The following UACA variants were observed in gnomAD, a reference collection of about 807,000 sequenced individuals.
The protein encoded by UACA is nuclear membrane binding protein.
In UACA, 112 loss-of-function variants were observed where a neutral mutation model predicts 160.5. That is an observed-to-expected ratio of 0.70 (90% confidence interval 0.60 to 0.82). The LOEUF is 0.82. UACA is among the 40% of genes least tolerant of loss of function. The pLI is 0.00. For synonymous variants in UACA, 557 were observed against 568.4 expected (o/e 0.98, Z 0.29); for missense variants, 1,574 against 1,614.6 (o/e 0.97, Z 0.43).
At chr15:70,715,426 T>C (rs1394711764) in intron 1 of UACA, among the ~76,000 whole-genome samples, 1 of 152,196 alleles carries the variant, frequency 6.6e-6, no homozygotes, top group Non-Finnish European at 1.5e-5. Context: ...CCTTTGGCTT[T>C]GTAAAGAAAT....
intron 18 of UACA, among the ~76,000 whole-genome samples, chr15:70,659,395 G>GTTTGTTTTTTTTTTTT (rs1896607026): frequency 5.3e-5 from 1 of 18,818 alleles, no homozygotes; most frequent in Non-Finnish European, 9.6e-5. Flanking sequence ...TTTTTTGTTT[G>GTTTGTTTTTTTTTTTT]TTTTTTTTTT....
chr15:70,682,157 G>C (rs946352026), intron 9 of UACA: 1 of 152,074 alleles, frequency 6.6e-6, no homozygotes, highest in East Asian at 1.9e-4. Context: ...TCACAACCAG[G>C]ATATCAAAAC....
At chr15:70,721,614 G>A (rs555588478) in intron 1 of UACA, among the ~76,000 whole-genome samples, 4 of 148,030 alleles carry the variant, frequency 2.7e-5, no homozygotes, top group East Asian at 3.9e-4. Flanking sequence ...GCAACAGAGC[G>A]AGACTCCATC....
At chr15:70,744,064 GAAACCCC>G (rs1899620953) in intron 1 of UACA, among the ~76,000 whole-genome samples, 1 of 151,908 alleles carries the variant, frequency 6.6e-6, no homozygotes, top group Non-Finnish European at 1.5e-5. Flanking sequence ...CTAACACGGT[GAAACCCC>G]GTCTCTACTA....
intron 18 of UACA, among the ~76,000 whole-genome samples, chr15:70,659,186 A>T (rs1400491055): frequency 6.6e-6 from 1 of 152,112 alleles, no homozygotes; most frequent in Non-Finnish European, 1.5e-5. Context: ...AAAAGAGAGT[A>T]GCTAAGATCC....
At chr15:70,658,580 G>A (rs1896565704) in intron 18 of UACA, among the ~76,000 whole-genome samples, 1 of 152,054 alleles carries the variant, frequency 6.6e-6, no homozygotes, top group Non-Finnish European at 1.5e-5. Context: ...ATGAAACCAA[G>A]TATCTTTTTT....
intron 9 of UACA, among the ~76,000 whole-genome samples, chr15:70,680,875 T>C (rs1897477244): frequency 6.6e-6 from 1 of 152,232 alleles, no homozygotes; most frequent in South Asian, 2.1e-4. Flanking sequence ...CGCCATCTGG[T>C]AGTCACTGGT....
Position 70,669,341 on chromosome 15 carries a change from G to A in UACA, c.1343C>T (p.Ala448Val), listed in dbSNP as rs1344354609. 1.2e-6 allele frequency: 2 copies of A among 1,613,950 alleles called. No individual in the cohort carries two copies. Among genetic ancestry groups the A allele is most frequent in the Admixed American group, 3.3e-5 (2 of 59,996 alleles). Residue 448 changes from alanine to valine, a missense_variant, in exon 16 of 19, where the codon GCA becomes GTA. Transcript: ENST00000322954. ...ENEILKKELE[A>V]MRTFCESAKQ... ...TGCTGACTCACAGAAAGTTCGCATT[G>A]CTTCTAACTCTTTCTTTAAAATTTC...
intron 12 of UACA, 63 bp downstream of exon 12, chr15:70,677,045 A>G: frequency 7.8e-7 from 1 of 1,278,306 alleles, no homozygotes; most frequent in Non-Finnish European, 1.1e-6. Context: ...TTAAACCTTT[A>G]CTACTATATC....
upstream of UACA, among the ~76,000 whole-genome samples, chr15:70,767,010 G>A (rs974674121): frequency 6.6e-6 from 1 of 152,010 alleles, no homozygotes; most frequent in East Asian, 1.9e-4. Flanking sequence ...GAAGGCCGAG[G>A]CGGGTGGATC....
At chr15:70,736,174 T>G (rs1899358845) in intron 1 of UACA, among the ~76,000 whole-genome samples, 1 of 152,198 alleles carries the variant, frequency 6.6e-6, no homozygotes, top group Admixed American at 6.5e-5. Flanking sequence ...GGTTTAATTT[T>G]CATGTTTTAG....
chr15:70,728,592 GA>G (rs1899222006), intron 1 of UACA, among the ~76,000 whole-genome samples: 1 of 145,424 alleles, frequency 6.9e-6, no homozygotes. Context: ...AAAAAACATA[GA>G]AAAAAAACCT....
At chr15:70,735,460 A>C (rs563501080) in intron 1 of UACA, among the ~76,000 whole-genome samples, 87 of 152,164 alleles carry the variant, frequency 5.7e-4, no homozygotes, top group Non-Finnish European at 9.0e-4. Context: ...CCCCTTAAAT[A>C]TAGGAAACTA....
At chr15:70,697,138 G>A (rs1055947255) in intron 2 of UACA, among the ~76,000 whole-genome samples, 4 of 152,188 alleles carry the variant, frequency 2.6e-5, no homozygotes, top group African/African-American at 9.7e-5. Flanking sequence ...CTGGACAAAT[G>A]TTACTACTGA....
chr15:70,719,108 A>AGAGAAG (rs774102190), intron 1 of UACA, among the ~76,000 whole-genome samples: 2 of 151,788 alleles, frequency 1.3e-5, no homozygotes, highest in Admixed American at 1.3e-4. Flanking sequence ...GAGAAGATGA[A>AGAGAAG]GAGAAGGAGA....
intron 5 of UACA, among the ~76,000 whole-genome samples, chr15:70,688,639 T>A (rs1053263688): frequency 1.3e-5 from 2 of 152,148 alleles, no homozygotes; most frequent in African/African-American, 2.4e-5. Flanking sequence ...ATTCAGGAAC[T>A]GTAAAATTAG....
intron 1 of UACA, among the ~76,000 whole-genome samples, chr15:70,757,069 A>G (rs76716777): frequency 0.048 from 7,303 of 152,248 alleles, 616 homozygotes; most frequent in African/African-American, 0.17. Context: ...GCAATTGGCT[A>G]GTATGCATTT....
chr15:70,664,449 A>G (rs1896830973), intron 17 of UACA, among the ~76,000 whole-genome samples: 1 of 152,206 alleles, frequency 6.6e-6, no homozygotes, highest in Non-Finnish European at 1.5e-5. Flanking sequence ...TAGATAAAGT[A>G]CGTAAAATGT....
chr15:70,711,303 A>AT (rs1475655255), intron 1 of UACA, among the ~76,000 whole-genome samples: 1 of 152,156 alleles, frequency 6.6e-6, no homozygotes, highest in Non-Finnish European at 1.5e-5. Context: ...AAAAATGTGT[A>AT]TTTTACATAA....
Sources: allele counts gnomAD v4.1 joint callset (sites outside exome capture counted in the v4.1 genomes callset), GRCh38; gene constraint gnomAD v4.1.1; transcripts MANE v1.5; gene names NCBI Gene and HGNC (gene_info 2026-07-23, HGNC 2026-07-21).